DNAH6: variants seen among roughly 807,000 people sequenced by gnomAD.
The protein encoded by DNAH6 is axonemal beta dynein heavy chain 6.
DNAH6 carries 340 observed loss-of-function variants against 491.4 expected under a neutral mutation model. That is an observed-to-expected ratio of 0.69 (90% CI 0.63 to 0.76). The LOEUF is 0.76. Among genes scored for constraint, DNAH6 ranks in the 30% least tolerant of loss-of-function variants. The probability of loss-of-function intolerance (pLI) is 0.00; values close to 1 mark genes in which losing one functional copy is unlikely to be tolerated. For missense variants in DNAH6, 4,443 were observed against 4,972.2 expected, an observed-to-expected ratio of 0.89 and a Z score of 3.20; for synonymous variants, 1,603 against 1,686.1, an observed-to-expected ratio of 0.95 and a Z score of 1.21.
At chr2:84,550,956 T>A (rs532178856) in intron 9 of DNAH6, among the ~76,000 whole-genome samples, 6 of 152,346 alleles carry the variant, frequency 3.9e-5, no homozygotes, top group Admixed American at 3.9e-4. Context: ...TAGTACAAAT[T>A]CGTGCATTCC....
intron 37 of DNAH6, among the ~76,000 whole-genome samples, chr2:84,667,710 T>C (rs1692285167): frequency 6.6e-6 from 1 of 152,160 alleles, no homozygotes; most frequent in Non-Finnish European, 1.5e-5. Context: ...GAACTAGAAA[T>C]ACCGTTTGAC....
intron 8 of DNAH6, among the ~76,000 whole-genome samples, 197 bp from the exon 9 acceptor site, chr2:84,549,692 T>C (rs919417678): frequency 2.0e-5 from 3 of 152,236 alleles, no homozygotes; most frequent in Non-Finnish European, 2.9e-5. Flanking sequence ...TATTTGAATA[T>C]ATTTGTGTTT....
intron 55 of DNAH6, 28 bp downstream of exon 55, chr2:84,709,574 C>T: frequency 1.3e-6 from 2 of 1,549,028 alleles, no homozygotes; most frequent in Non-Finnish European, 1.7e-6. Context: ...AAGAGAGTGG[C>T]TTTTGGTTCT....
chr2:84,590,861 G>A (rs752852548), intron 16 of DNAH6, among the ~76,000 whole-genome samples: 6 of 152,166 alleles, frequency 3.9e-5, no homozygotes, highest in Non-Finnish European at 5.9e-5. Flanking sequence ...ATGGCATTCT[G>A]ACACTTTAGG....
At chr2:84,647,428 A>G (rs1291747670) in intron 33 of DNAH6, among the ~76,000 whole-genome samples, 2 of 152,202 alleles carry the variant, frequency 1.3e-5, no homozygotes, top group South Asian at 2.1e-4. Flanking sequence ...GGACTTTCAT[A>G]GTGAAAAAGG....
chr2:84,611,401 C>G (rs540628556), intron 21 of DNAH6, among the ~76,000 whole-genome samples: 65 of 152,180 alleles, frequency 4.3e-4, no homozygotes, highest in African/African-American at 1.5e-3. Flanking sequence ...CCCTGAATCT[C>G]TCCTGTGGGT....
intron 4 of DNAH6, among the ~76,000 whole-genome samples, chr2:84,529,934 G>A (rs1457308254): frequency 1.3e-5 from 2 of 152,270 alleles, no homozygotes; most frequent in African/African-American, 4.8e-5. Flanking sequence ...TGCAGAAAAT[G>A]GGTAGAGAAG....
the DNAH6 span, among the ~76,000 whole-genome samples, chr2:84,500,514 G>A: frequency 3.9e-5 from 6 of 152,160 alleles, no homozygotes; most frequent in African/African-American, 9.7e-5. Flanking sequence ...GCTACTCTGG[G>A]TCTTTTTATG....
intron 4 of DNAH6, among the ~76,000 whole-genome samples, chr2:84,542,033 G>A (rs533259734): frequency 2.8e-4 from 43 of 152,120 alleles, no homozygotes; most frequent in Non-Finnish European, 5.6e-4. Context: ...AAGACTTGGG[G>A]GCTTGAGAAT....
the DNAH6 span, among the ~76,000 whole-genome samples, chr2:84,501,621 A>T: frequency 6.8e-6 from 1 of 148,030 alleles, no homozygotes; most frequent in Non-Finnish European, 1.5e-5. Context: ...CTTCTTTAAA[A>T]GTTTGGTAAA....
In DNAH6 at chr2:84,703,503, T is replaced by A. The variant is rs763271283; in HGVS notation, c.8170T>A (p.Ser2724Thr). The A allele has an allele frequency of 2.9e-5, 45 of 1,551,428 alleles. No individual in the cohort carries two copies. In the African/African-American group the frequency reaches 5.5e-4, roughly 19 times the overall value. The change falls in exon 50 of 77, where the codon TCA becomes ACA. Residue 2724 changes from serine (S) to threonine (T), a missense_variant. By Grantham distance (58) the Ser-to-Thr change is moderately conservative. Transcript: ENST00000389394. Reference sequence around the variant, plus strand: ...TTTAGAGCCTGTACTTTTAGCAAAATCAGAAGATGTTGAAGCCCTGATGGA... The same window carrying A: ...TTTAGAGCCTGTACTTTTAGCAAAAACAGAAGATGTTGAAGCCCTGATGGA... ...SALEPVLLAK[S>T]EDVEALMEKL...
At chr2:84,558,499 A>G (rs905347630) in intron 11 of DNAH6, among the ~76,000 whole-genome samples, 3 of 152,064 alleles carry the variant, frequency 2.0e-5, no homozygotes, top group African/African-American at 7.2e-5. Flanking sequence ...ATCCACATGC[A>G]TGTGTTTTTG....
chr2:84,684,420 A>C (rs901448712), intron 42 of DNAH6, among the ~76,000 whole-genome samples: 1 of 152,200 alleles, frequency 6.6e-6, no homozygotes, highest in Non-Finnish European at 1.5e-5. Flanking sequence ...CCAATGTTGA[A>C]TCTCTTTCTC....
chr2:84,672,188 C>T, intron 39 of DNAH6, 139 bp from the exon 40 acceptor site: 4 of 803,460 alleles, frequency 5.0e-6, no homozygotes, highest in Non-Finnish European at 7.4e-6. Context: ...GGAAGTCTCT[C>T]CTCCTCCAGG....
chr2:84,797,152 T>C (rs1303166191), intron 69 of DNAH6, among the ~76,000 whole-genome samples: 2 of 152,230 alleles, frequency 1.3e-5, no homozygotes, highest in Non-Finnish European at 2.9e-5. Context: ...GAGAGGGCTG[T>C]TGTTGTTTAT....
intron 11 of DNAH6, 77 bp from the exon 12 acceptor site, chr2:84,573,390 C>T: frequency 7.9e-7 from 1 of 1,258,332 alleles, no homozygotes; most frequent in Non-Finnish European, 1.1e-6. Flanking sequence ...TTGCTTGTTT[C>T]TTTGTTTAGT....
chr2:84,585,316 G>T (rs181136503), intron 15 of DNAH6, among the ~76,000 whole-genome samples: 12 of 152,222 alleles, frequency 7.9e-5, no homozygotes, highest in Middle Eastern at 3.4e-3. Flanking sequence ...GGGATATTTG[G>T]GGTGTCATTT....
Position 84,679,758 on chromosome 2 carries a change from C to T in DNAH6, c.6745-1599C>T, listed in dbSNP as rs982599698. Reference sequence around the variant, plus strand: ...AGTAGCCTTTAATTCATTCATTAAACAAATATTTGTTGAGCACCTTCCATA... The same window carrying T: ...AGTAGCCTTTAATTCATTCATTAAATAAATATTTGTTGAGCACCTTCCATA... On this transcript the variant is annotated intron_variant, in intron 41 of 76. Coordinates refer to ENST00000389394, the MANE Select transcript of DNAH6 (RefSeq NM_001370.2). 4.6e-5 allele frequency among the ~76,000 whole-genome samples: 7 copies of T among 152,180 alleles called. No individual in the cohort carries two copies. The East Asian group carries it at 1.2e-3, about 25-fold the overall frequency.
chr2:84,727,632 T>C, intron 60 of DNAH6, 37 bp from the exon 61 acceptor site: 1 of 1,316,052 alleles, frequency 7.6e-7, no homozygotes, highest in East Asian at 2.5e-5. Context: ...GAGAATGAAT[T>C]AAATCAGAGA....
Sources: gnomAD v4.1 joint callset for allele counts (sites outside exome capture counted in the v4.1 genomes callset) on GRCh38, gnomAD v4.1.1 for gene constraint, MANE v1.5 for transcripts, NCBI Gene and HGNC (gene_info 2026-07-23, HGNC 2026-07-21) for gene names.